Variants in ANXA2 observed in about 807,000 individuals in gnomAD.
The protein encoded by ANXA2 is annexin A2.
A neutral mutation model predicts 47.3 loss-of-function variants in ANXA2; 28 were observed. The observed-to-expected ratio is 0.59, with a 90% CI of 0.44 to 0.81. ANXA2 has a LOEUF of 0.81. Among genes scored for constraint, ANXA2 ranks in the 40% least tolerant of loss-of-function variants. The pLI, the probability that ANXA2 is intolerant of heterozygous loss-of-function variation, is 0.00. For synonymous variants in ANXA2, 172 were observed against 155.5 expected (o/e 1.11, Z -0.79); for missense variants, 384 against 414.3 (o/e 0.93, Z 0.64).
intron 3 of ANXA2, among the ~76,000 whole-genome samples, chr15:60,381,268 A>G (rs964190508): frequency 7.2e-5 from 11 of 152,200 alleles, no homozygotes; most frequent in Non-Finnish European, 1.6e-4. Flanking sequence ...GAAAAATGTG[A>G]CATGGCTCTT....
chr15:60,388,789 T>G (rs542101413), intron 1 of ANXA2, among the ~76,000 whole-genome samples: 40 of 150,580 alleles, frequency 2.7e-4, no homozygotes, highest in Admixed American at 8.0e-4. Flanking sequence ...TTACCCAGGC[T>G]GGAGTGCAGT....
intron 1 of ANXA2, among the ~76,000 whole-genome samples, chr15:60,389,404 G>A (rs983952226): frequency 6.6e-6 from 1 of 152,142 alleles, no homozygotes; most frequent in Non-Finnish European, 1.5e-5. Context: ...GTTCTTTCAA[G>A]TTGTCTTTCC....
At chr15:60,354,363 C>T (rs775987395) in intron 7 of ANXA2, 150 bp from the exon 8 acceptor site, 33 of 700,540 alleles carry the variant, frequency 4.7e-5, no homozygotes, top group South Asian at 7.8e-5. Context: ...TAGATGGGGC[C>T]GGGCACGGTG....
rs746583193 is a variant in ANXA2 at position 60,352,516 on chromosome 15, C to G, written c.589-40G>C. 3 of 1,386,044 alleles carry G rather than the reference C, an allele frequency of 2.2e-6. No homozygotes were observed. In the African/African-American group the frequency reaches 4.4e-5, roughly 20 times the overall value. The allele number at this position is 1,386,044 out of a possible 1,614,324, so 85.9% of individuals were successfully genotyped here. The stretch of plus-strand genomic sequence containing the variant: ...AACCAGGAAAAGTTAACTACACATC[C>G]AATGTAACGTCAAAAAAAATGTCAT... On this transcript the variant is annotated intron_variant, in intron 8 of 12. Coordinates refer to ENST00000451270, the MANE Select transcript of ANXA2 (RefSeq NM_004039.3). This position sits in a 1 kb window ranked among gnomAD's most constrained non-coding sequence, Gnocchi z 4.2.
intron 8 of ANXA2, among the ~76,000 whole-genome samples, chr15:60,353,627 A>G (rs915796155): frequency 3.9e-5 from 6 of 152,216 alleles, no homozygotes; most frequent in African/African-American, 1.2e-4. Context: ...TCCCTTCCAA[A>G]GGAAGAGCCT....
chr15:60,375,299 C>A (rs2062761565), intron 3 of ANXA2, among the ~76,000 whole-genome samples: 1 of 152,156 alleles, frequency 6.6e-6, no homozygotes, highest in African/African-American at 2.4e-5. Context: ...AAAATCAAAA[C>A]TGGCAATAAT....
chr15:60,397,277 T>C, intron 1 of ANXA2: 2 of 985,546 alleles, frequency 2.0e-6, no homozygotes, highest in Non-Finnish European at 1.2e-6. Flanking sequence ...GCCAATGTGT[T>C]CAACCAAGCG....
chr15:60,392,387 T>C (rs2063024474), intron 1 of ANXA2, among the ~76,000 whole-genome samples: 1 of 123,178 alleles, frequency 8.1e-6, no homozygotes, highest in African/African-American at 2.9e-5. Flanking sequence ...AACCTAATAA[T>C]TTAAGGGTTT....
intron 5 of ANXA2, among the ~76,000 whole-genome samples, chr15:60,360,277 C>CA (rs1263834974): frequency 6.6e-6 from 1 of 151,336 alleles, no homozygotes; most frequent in Non-Finnish European, 1.5e-5. Flanking sequence ...CAAAACAAAA[C>CA]AAAAAACTTG....
At chr15:60,390,538 G>C (rs950646365) in intron 1 of ANXA2, 4 of 464,830 alleles carry the variant, frequency 8.6e-6, no homozygotes, top group Middle Eastern at 7.6e-4. Flanking sequence ...TCTGGAAAAC[G>C]GGTAAAATTA....
At chr15:60,365,853 T>TCCCCCC (rs1261378322) in intron 3 of ANXA2, among the ~76,000 whole-genome samples, 16 of 70,686 alleles carry the variant, frequency 2.3e-4, no homozygotes, top group Admixed American at 5.7e-4. Flanking sequence ...CCTCTCCCCC[T>TCCCCCC]CCCCCTCCCC....
chr15:60,348,637 T>C (rs1022231298), intron 12 of ANXA2, among the ~76,000 whole-genome samples: 17 of 150,198 alleles, frequency 1.1e-4, no homozygotes, highest in Non-Finnish European at 2.4e-4. Context: ...CCTAGCTACT[T>C]GGGAGGCTGA....
intron 3 of ANXA2, among the ~76,000 whole-genome samples, chr15:60,369,688 C>T (rs78393701): frequency 0.014 from 2,110 of 152,260 alleles, 36 homozygotes; most frequent in East Asian, 0.078. Flanking sequence ...AACTTGGGAC[C>T]GAGGAAGCAG....
chr15:60,366,597 C>T (rs1176123895), intron 3 of ANXA2, among the ~76,000 whole-genome samples: 1 of 148,600 alleles, frequency 6.7e-6, no homozygotes, highest in African/African-American at 2.5e-5. Flanking sequence ...AAGTGAGGAG[C>T]CCCTCCGTCC....
chr15:60,364,256 G>A (rs1482559271), intron 4 of ANXA2, among the ~76,000 whole-genome samples, 173 bp downstream of exon 4: 1 of 152,132 alleles, frequency 6.6e-6, no homozygotes, highest in Admixed American at 6.5e-5. Context: ...GTGCACACAC[G>A]CACACACACA....
intron 3 of ANXA2, among the ~76,000 whole-genome samples, chr15:60,365,841 T>C (rs1595679033): frequency 1.3e-5 from 1 of 78,908 alleles, no homozygotes. Context: ...CCTCTCCCTC[T>C]CCCTCTCCCC....
chr15:60,388,242 A>G (rs1229497807), intron 1 of ANXA2, among the ~76,000 whole-genome samples: 1 of 152,186 alleles, frequency 6.6e-6, no homozygotes, highest in Non-Finnish European at 1.5e-5. Context: ...GAACCGTCCA[A>G]TACAGTAGCC....
At chr15:60,393,277 G>C in intron 1 of ANXA2, 3 of 1,035,132 alleles carry the variant, frequency 2.9e-6, no homozygotes, top group Non-Finnish European at 3.5e-6. Flanking sequence ...CTCTCTGCTG[G>C]TATCCTGATC....
intron 3 of ANXA2, among the ~76,000 whole-genome samples, chr15:60,382,037 A>C: frequency 8.3e-6 from 1 of 120,670 alleles, no homozygotes; most frequent in African/African-American, 3.1e-5. Flanking sequence ...GGAGGGAGGA[A>C]AGGAAAGAAG....
Sources: gnomAD v4.1 joint callset for allele counts (sites outside exome capture counted in the v4.1 genomes callset) on GRCh38, gnomAD v4.1.1 for gene constraint, Gnocchi (gnomAD v3.1) non-coding constraint, MANE v1.5 for transcripts, NCBI Gene and HGNC (gene_info 2026-07-23, HGNC 2026-07-21) for gene names.